The following ASIC2 variants were observed in gnomAD, a reference collection of about 807,000 sequenced individuals.
ASIC2 encodes acid sensing ion channel subunit 2.
ASIC2 carries 25 observed loss-of-function variants against 57.3 expected under a neutral mutation model. The ratio of observed to expected loss-of-function variants is 0.44; its 90% CI spans 0.32 to 0.61. ASIC2 has a LOEUF of 0.61. Ranked by LOEUF, ASIC2 falls within the 20% of genes least tolerant of loss-of-function variation. The pLI, the probability that ASIC2 is intolerant of heterozygous loss-of-function variation, is 0.06. For missense variants in ASIC2, 641 were observed against 738.1 expected, an observed-to-expected ratio of 0.87 and a Z score of 1.52; for synonymous variants, 319 against 307.5, an observed-to-expected ratio of 1.04 and a Z score of -0.39.
At chr17:33,874,129 C>T (rs531510783) in intron 1 of ASIC2, among the ~76,000 whole-genome samples, 44 of 152,276 alleles carry the variant, frequency 2.9e-4, no homozygotes, top group African/African-American at 9.4e-4. Flanking sequence ...TCCTAGGATT[C>T]GGTAGAAGTG....
chr17:33,852,291 A>G (rs1242016775), intron 1 of ASIC2, among the ~76,000 whole-genome samples: 4 of 152,226 alleles, frequency 2.6e-5, no homozygotes, highest in Non-Finnish European at 4.4e-5. Context: ...TGTGAAAATC[A>G]AAGGCACAGG....
At chr17:33,753,871 T>G (rs1041695152) in intron 1 of ASIC2, among the ~76,000 whole-genome samples, 1 of 152,152 alleles carries the variant, frequency 6.6e-6, no homozygotes, top group Non-Finnish European at 1.5e-5. Flanking sequence ...CATATTTAGG[T>G]CACTTTAACA....
chr17:33,838,305 GT>G (rs1256633739), intron 1 of ASIC2, among the ~76,000 whole-genome samples: 1 of 152,156 alleles, frequency 6.6e-6, no homozygotes, highest in East Asian at 1.9e-4. Context: ...GGCAAACAGA[GT>G]GGGCAGCCAT....
intron 1 of ASIC2, among the ~76,000 whole-genome samples, chr17:33,630,270 A>C (rs1906120938): frequency 2.0e-5 from 3 of 152,108 alleles, no homozygotes; most frequent in Admixed American, 2.0e-4. Context: ...GCATGCTGAC[A>C]GTTCCTGAAA....
chr17:33,242,176 G>T (rs1908530114), intron 1 of ASIC2, among the ~76,000 whole-genome samples: 1 of 152,060 alleles, frequency 6.6e-6, no homozygotes, highest in Non-Finnish European at 1.5e-5. Context: ...AATTAGCCAG[G>T]CATGGTGGTG....
rs1905504791 is a variant in ASIC2, at chr17:33,292,152, C to T, written c.-37G>A. On this transcript the variant is annotated 5_prime_UTR_variant, in exon 1 of 10. Coordinates refer to ENST00000225823, the MANE Select transcript of ASIC2 (RefSeq NM_183377.2). ...GCGGCTGGCGGCAGCGGCGGCGGCC[C>T]CGGCCGGGCGGAGCCGCCATGGGAG... The T allele has an allele frequency of 1.5e-5, 15 of 1,027,574 alleles. No individual in the cohort carries two copies. Among genetic ancestry groups the T allele is most frequent in the African/African-American group, 1.7e-5 (1 of 57,750 alleles). The allele number at this position is 1,027,574 out of a possible 1,614,324, so 63.7% of individuals were successfully genotyped here. A position where few individuals can be genotyped will look rare whatever the true frequency, so the allele number is the denominator to read the frequency against.
intron 1 of ASIC2, among the ~76,000 whole-genome samples, chr17:33,347,346 T>C (rs1258494943): frequency 6.6e-6 from 1 of 152,114 alleles, no homozygotes; most frequent in Non-Finnish European, 1.5e-5. Context: ...GTAAGTATTT[T>C]TGGGGGAAGG....
At chr17:33,255,028 C>CTTTTTTTTTT (rs1173076413) in intron 1 of ASIC2, among the ~76,000 whole-genome samples, 2 of 73,994 alleles carry the variant, frequency 2.7e-5, no homozygotes, top group African/African-American at 1.2e-4. Flanking sequence ...AGAAAGAAAT[C>CTTTTTTTTTT]TTTTTTTTTT....
intron 1 of ASIC2, among the ~76,000 whole-genome samples, chr17:33,765,928 A>G (rs1910922068): frequency 6.6e-6 from 1 of 151,772 alleles, no homozygotes; most frequent in Admixed American, 6.6e-5. Context: ...TTCCACCTTG[A>G]CTCCTATTAC....
chr17:33,903,933 G>A (rs1238554442), intron 1 of ASIC2, among the ~76,000 whole-genome samples: 5 of 152,080 alleles, frequency 3.3e-5, no homozygotes, highest in Admixed American at 3.3e-4. Context: ...GGAGGCCAAG[G>A]CTTGTGGATC....
chr17:33,493,920 G>T (rs1313212808), intron 1 of ASIC2, among the ~76,000 whole-genome samples: 1 of 152,170 alleles, frequency 6.6e-6, no homozygotes, highest in Non-Finnish European at 1.5e-5. Flanking sequence ...TGCTGTTCTG[G>T]CTCCCACTGA....
intron 1 of ASIC2, among the ~76,000 whole-genome samples, chr17:33,579,659 T>C (rs1166370193): frequency 6.6e-6 from 1 of 151,996 alleles, no homozygotes; most frequent in African/African-American, 2.4e-5. Flanking sequence ...TCTGGTGGGC[T>C]CCTGGTCTGG....
intron 1 of ASIC2, among the ~76,000 whole-genome samples, chr17:33,964,249 G>A (rs1299674937): frequency 2.0e-5 from 3 of 152,146 alleles, no homozygotes; most frequent in African/African-American, 4.8e-5. Context: ...CTGACTCCAC[G>A]AGTCTATCAC....
intron 7 of ASIC2, among the ~76,000 whole-genome samples, chr17:33,019,362 T>A (rs1287626410): frequency 6.6e-6 from 1 of 151,172 alleles, no homozygotes; most frequent in Non-Finnish European, 1.5e-5. Context: ...TGGGTGTGCT[T>A]GTGTGTGTAT....
intron 1 of ASIC2, among the ~76,000 whole-genome samples, chr17:33,236,142 G>T (rs1489042801): frequency 5.9e-5 from 9 of 151,866 alleles, no homozygotes; most frequent in Non-Finnish European, 1.3e-4. Context: ...CAAGATTTTA[G>T]ACTTAGAGGT....
chr17:33,501,141 G>A (rs1347976737), intron 1 of ASIC2, among the ~76,000 whole-genome samples: 3 of 152,228 alleles, frequency 2.0e-5, no homozygotes, highest in Non-Finnish European at 4.4e-5. Flanking sequence ...CTGTCACTGA[G>A]TTACAAGCCA....
chr17:33,489,392 A>G (rs1913679155), intron 1 of ASIC2, among the ~76,000 whole-genome samples: 1 of 152,226 alleles, frequency 6.6e-6, no homozygotes, highest in Non-Finnish European at 1.5e-5. Context: ...AGGAGCTGAC[A>G]GTCAAGCCCA....
intron 1 of ASIC2, among the ~76,000 whole-genome samples, chr17:34,112,467 AAAAAAAGG>A (rs1911305861): frequency 6.6e-6 from 1 of 152,256 alleles, no homozygotes; most frequent in East Asian, 1.9e-4. Context: ...CAAAAAAAAA[AAAAAAAGG>A]AAAACTTCAG....
intron 1 of ASIC2, among the ~76,000 whole-genome samples, chr17:33,131,124 C>CGAGCCCATGCAAAGACAGGATCCAAT (rs2092344411): frequency 6.6e-6 from 1 of 152,082 alleles, no homozygotes; most frequent in Non-Finnish European, 1.5e-5. Flanking sequence ...AAAGGGGAGA[C>CGAGCCCATGCAAAGACAGGATCCAAT]GAGCCCATGC....
Sources: allele counts gnomAD v4.1 joint callset (sites outside exome capture counted in the v4.1 genomes callset), GRCh38; gene constraint gnomAD v4.1.1; transcripts MANE v1.5; gene names NCBI Gene and HGNC (gene_info 2026-07-23, HGNC 2026-07-21).